Variants in ZNF394 observed in about 807,000 individuals in gnomAD.
ZNF394 encodes zinc finger protein 394.
ZNF394 carries 19 observed loss-of-function variants against 21.8 expected under a neutral mutation model. That is an observed-to-expected ratio of 0.87 (90% CI 0.61 to 1.28). ZNF394 has a LOEUF of 1.28. Among genes scored for constraint, ZNF394 ranks in the 50% most tolerant of loss-of-function variants. ZNF394 has a pLI of 0.00. For synonymous variants in ZNF394, 294 were observed against 273.3 expected, an observed-to-expected ratio of 1.08 and a Z score of -0.75; for missense variants, 683 against 708.6, an observed-to-expected ratio of 0.96 and a Z score of 0.41.
exon 2 of ZNF394, chr7:99,486,921 C>T: frequency 6.2e-7 from 1 of 1,614,174 alleles, no homozygotes; most frequent in Non-Finnish European, 8.5e-7. Context: ...GTGGGCAAGC[C>T]TTCAGACAGC....
rs184801411 is a variant in ZNF394 at position 99,495,898 on chromosome 7, T to A, written c.584-1267A>T. On this transcript the variant is annotated intron_variant, in intron 2 of 2. Transcript: ENST00000337673. ...TGGCCTCCCAAAGTGTTGGGATTAC[T>A]GGCATGAGCCACTGCACCCAGCCTA... Among the ~76,000 whole-genome samples the A allele has an allele frequency of 4.0e-5, 6 of 150,692 alleles. No individual in the cohort carries two copies. In the East Asian group the frequency reaches 1.2e-3, roughly 31 times the overall value.
chr7:99,494,558 C>T lies in ZNF394; in HGVS notation c.657G>A (p.Gly219=), dbSNP rs536711254. 3.1e-6 allele frequency: 5 copies of T among 1,611,328 alleles called. No homozygotes were observed. The South Asian group carries it at 5.5e-5, about 18-fold the overall frequency. ...TCCCCTGGAACGCTTCTTGTAGTTG[C>T]CCCTGTGGCTCCGCTTCTTCTAAAA... ...QQILEEAEPQ[G]QLQEAFQGKR... Residue 219 remains glycine (G), a synonymous_variant, in exon 3 of 3, where the codon GGG becomes GGA. Coordinates refer to ENST00000337673, the MANE Select transcript of ZNF394 (RefSeq NM_032164.4).
chr7:99,486,850 G>T, exon 2 of ZNF394: 1 of 1,614,164 alleles, frequency 6.2e-7, no homozygotes, highest in Non-Finnish European at 8.5e-7. Context: ...TAGGCGTAAG[G>T]CATGGTTTGA....
At chr7:99,492,052 G>A (rs1213965337), downstream of ZNF394, among the ~76,000 whole-genome samples, 12 of 144,166 alleles carry the variant, frequency 8.3e-5, no homozygotes, top group African/African-American at 1.8e-4. Flanking sequence ...CAGCCTGGGC[G>A]ACAGAGCGAG....
chr7:99,499,501 G>A lies in ZNF394; in HGVS notation c.456+137C>T, dbSNP rs1423878447. 3 of 741,656 alleles carry A rather than the reference G, an allele frequency of 4.0e-6. No homozygotes were observed. The Admixed American group carries it at 7.3e-5, about 18-fold the overall frequency. 45.9% of individuals were successfully genotyped at this position (741,656 alleles called of 1,614,324 possible). ...ATTTCCTGGATGGATCTGTCACTGT[G>A]GCCTACAGAAAGGAAGTCCATACAC... On this transcript the variant is annotated intron_variant, in intron 1 of 2. Coordinates refer to ENST00000337673, the MANE Select transcript of ZNF394 (RefSeq NM_032164.4).
intron 2 of ZNF394, among the ~76,000 whole-genome samples, chr7:99,497,472 G>C (rs1430481842): frequency 6.6e-6 from 1 of 151,682 alleles, no homozygotes; most frequent in South Asian, 2.1e-4. Context: ...GAGCCACCGT[G>C]CCTGGCCTAT....
rs1424387691 is a variant in ZNF394, at chr7:99,493,709, A to G, written c.1506T>C (p.Cys502=). The G allele has an allele frequency of 1.2e-6, 2 of 1,614,222 alleles. No individual in the cohort carries two copies. The highest frequency in any genetic ancestry group is 1.7e-5 in the Admixed American group (1 of 60,014). Residue 502 remains cysteine, a synonymous_variant, in exon 3 of 3, where the codon TGT becomes TGC. Transcript: ENST00000337673. ...TGEKPYGCSV[C]GKRFNQSATL... is the part of the protein sequence containing the mutation. ...TTGCACTCTGATTGAAGCGTTTCCC[A>G]CAGACGGAACATCCATAGGGCTTCT...
chr7:99,492,639 C>CAAAAAAAAA, downstream of ZNF394, among the ~76,000 whole-genome samples: 2 of 50,482 alleles, frequency 4.0e-5, no homozygotes, highest in Non-Finnish European at 8.3e-5. Context: ...GACTCCATCT[C>CAAAAAAAAA]AAAAAAAAAA....
At chr7:99,497,116 G>GTATATATATATA (rs1259470943) in intron 2 of ZNF394, among the ~76,000 whole-genome samples, 5 of 111,440 alleles carry the variant, frequency 4.5e-5, no homozygotes, top group Admixed American at 8.9e-5. Context: ...GTGTGTGTGT[G>GTATATATATATA]TGTGTGTATA....
chr7:99,496,970 T>C (rs982424839), intron 2 of ZNF394, among the ~76,000 whole-genome samples: 7 of 151,156 alleles, frequency 4.6e-5, no homozygotes, highest in African/African-American at 1.2e-4. Flanking sequence ...AAGATGAACA[T>C]ACAGTTGTTC....
At chr7:99,490,636 T>C (rs1800142444), downstream of ZNF394, among the ~76,000 whole-genome samples, 1 of 145,936 alleles carries the variant, frequency 6.9e-6, no homozygotes, top group South Asian at 2.4e-4. Context: ...TTTTTTTTTT[T>C]TTTTTAAAAA....
At chr7:99,487,024 CTTG>C in intron 1 of ZNF394, 1 of 1,614,068 alleles carries the variant, frequency 6.2e-7, no homozygotes, top group Non-Finnish European at 8.5e-7. Context: ...GCTCGCGTAT[CTTG>C]TTGAACATAA....
chr7:99,500,186 G>T lies in ZNF394; in HGVS notation c.-93C>A. 1 of 1,318,210 alleles carries T rather than the reference G, an allele frequency of 7.6e-7. No individual in the cohort carries two copies. Among genetic ancestry groups the T allele is most frequent in the Non-Finnish European group, 1.0e-6 (1 of 984,950 alleles). 81.7% of individuals were successfully genotyped at this position (1,318,210 alleles called of 1,614,324 possible). On this transcript the variant is annotated 5_prime_UTR_variant, in exon 1 of 3. Transcript: ENST00000337673. ...ACTCATCAGCCGTCAACACCCTCCGGTCCCAAACACCGGGCCCCACCACAC... is the reference window on the plus strand; with the variant it reads ...ACTCATCAGCCGTCAACACCCTCCGTTCCCAAACACCGGGCCCCACCACAC...
chr7:99,497,122 G>GTATATATATATATATATATGTATA (rs1800350250), intron 2 of ZNF394, among the ~76,000 whole-genome samples: 1 of 79,466 alleles, frequency 1.3e-5, no homozygotes, highest in Non-Finnish European at 2.2e-5. Context: ...GTGTGTGTGT[G>GTATATATATATATATATATGTATA]TATATATATA....
chr7:99,499,709 G>A lies in ZNF394; in HGVS notation c.385C>T (p.Pro129Ser). Residue 129 changes from proline (P) to serine (S), a missense_variant, in exon 1 of 3, where the codon CCA becomes TCA. Around this residue, in one of 3 missense-constraint regions of ZNF394, gnomAD observed 402 missense variants for 373.8 expected, o/e 1.08. Transcript: ENST00000337673. ...ELQAWVREHC[P>S]ESGEEAVAVV... ...GCCACCGCCTCCTCCCCGCTCTCTGGGCAGTGCTCTCGCACCCAGGCTTGA... is the reference window on the plus strand; with the variant it reads ...GCCACCGCCTCCTCCCCGCTCTCTGAGCAGTGCTCTCGCACCCAGGCTTGA... 6.2e-7 allele frequency: 1 copy of A among 1,613,586 alleles called. No homozygotes were observed. The highest frequency in any genetic ancestry group is 8.5e-7 in the Non-Finnish European group (1 of 1,180,006).
chr7:99,493,415 C>G lies in ZNF394; in HGVS notation c.*114G>C. ...GGGCTTACAGGCATGCACCACCATG[C>G]CCGGCTCATTTTTGTATTTTTAGTA... On this transcript the variant is annotated 3_prime_UTR_variant, in exon 3 of 3. Transcript: ENST00000337673. 3 of 1,088,958 alleles carry G rather than the reference C, an allele frequency of 2.8e-6. No individual in the cohort carries two copies. The South Asian group carries it at 4.8e-5, about 18-fold the overall frequency. The allele number at this position is 1,088,958 out of a possible 1,614,324, so 67.5% of individuals were successfully genotyped here. A position where few individuals can be genotyped will look rare whatever the true frequency, so the allele number is the denominator to read the frequency against.
chr7:99,486,942 T>TA (rs1463758958), exon 2 of ZNF394: 2 of 1,614,182 alleles, frequency 1.2e-6, no homozygotes, highest in Non-Finnish European at 1.7e-6. Context: ...GGTCAGCTCT[T>TA]ACGGTCCATA....
intron 2 of ZNF394, among the ~76,000 whole-genome samples, chr7:99,496,575 C>T (rs535099427): frequency 7.9e-5 from 12 of 151,248 alleles, no homozygotes; most frequent in East Asian, 7.9e-4. Context: ...ATCAGAGGTC[C>T]GGCTAATTTT....
Position 99,493,849 on chromosome 7 carries a change from G to T in ZNF394, c.1366C>A (p.Leu456Ile), listed in dbSNP as rs773287043. The T allele has an allele frequency of 2.0e-5, 32 of 1,613,988 alleles. No individual in the cohort carries two copies. The highest frequency in any genetic ancestry group is 2.7e-5 in the Non-Finnish European group (32 of 1,180,032). The change falls in exon 3 of 3, where the codon CTT becomes ATT. Residue 456 changes from leucine (L) to isoleucine (I), a missense_variant. By Grantham distance (5) the Leu-to-Ile change is conservative (BLOSUM62 2). Coordinates refer to ENST00000337673, the MANE Select transcript of ZNF394 (RefSeq NM_032164.4). ...TTATGTAGTCTCTGATGTCTAAAAA[G>T]GTTGGAAATATGACAGGTTTCCCCG... ...ECGETCHISN[L>I]FRHQRLHKGE...
Sources: gnomAD v4.1 joint callset for allele counts (sites outside exome capture counted in the v4.1 genomes callset) on GRCh38, gnomAD v4.1.1 for gene constraint, gnomAD v4.1.1 regional missense constraint, MANE v1.5 for transcripts, NCBI Gene and HGNC (gene_info 2026-07-23, HGNC 2026-07-21) for gene names.